Variants in SLIT3 observed in about 807,000 individuals in gnomAD.
SLIT3 encodes the protein slit guidance ligand 3, also known as slit homolog 3 protein.
Under a neutral mutation model 184.0 loss-of-function variants are expected in SLIT3, and 68 were observed. The ratio of observed to expected loss-of-function variants is 0.37; its 90% CI spans 0.30 to 0.45. The LOEUF (loss-of-function observed/expected upper bound fraction) is 0.45, where lower values mean the gene tolerates loss of function less well. Ranked by LOEUF, SLIT3 falls within the 20% of genes least tolerant of loss-of-function variation. The probability of loss-of-function intolerance (pLI) is 1.00; values close to 1 mark genes in which losing one functional copy is unlikely to be tolerated. For synonymous variants in SLIT3, 831 were observed against 828.6 expected, an observed-to-expected ratio of 1.00 and a Z score of -0.05; for missense variants, 1,707 against 2,026.0, an observed-to-expected ratio of 0.84 and a Z score of 3.02.
At chr5:169,029,727 A>G (rs1471721367) in intron 4 of SLIT3, among the ~76,000 whole-genome samples, 3 of 152,218 alleles carry the variant, frequency 2.0e-5, no homozygotes, top group Non-Finnish European at 4.4e-5. Flanking sequence ...CTCAGTTACA[A>G]TGACACATTC....
At chr5:168,722,450 C>T (rs1326235134) in intron 22 of SLIT3, 123 bp from the exon 23 acceptor site, 1 of 825,146 alleles carries the variant, frequency 1.2e-6, no homozygotes, top group African/African-American at 1.7e-5. Context: ...ATTGACAGAA[C>T]ATCCCCTAAA....
At position 169,300,634 on chromosome 5, in the gene SLIT3, G is replaced by T; in HGVS notation, c.76C>A (p.Leu26Met). ...LALALALASV[L>M]SGPPAVACPT... is the part of the protein sequence containing the mutation. ...CAGGCGACGGCTGGAGGCCCACTCAGGACGCTCGCCAGCGCCAAGGCCAGC... is the reference window on the plus strand; with the variant it reads ...CAGGCGACGGCTGGAGGCCCACTCATGACGCTCGCCAGCGCCAAGGCCAGC... Residue 26 changes from leucine (L) to methionine (M), a missense_variant, in exon 1 of 36, where the codon CTG (leucine) becomes ATG (methionine). Physicochemically the swap from Leu to Met is conservative, Grantham distance 15. Transcript: ENST00000519560. This position sits in a 1 kb window ranked among gnomAD's most constrained non-coding sequence, Gnocchi z 4.1. 6.7e-7 allele frequency: 1 copy of T among 1,491,714 alleles called. No homozygotes were observed. Among genetic ancestry groups the T allele is most frequent in the Non-Finnish European group, 8.9e-7 (1 of 1,126,006 alleles). 92.4% of individuals were successfully genotyped at this position (1,491,714 alleles called of 1,614,324 possible).
chr5:168,722,452 T>C, intron 22 of SLIT3, 125 bp from the exon 23 acceptor site: 1 of 800,400 alleles, frequency 1.2e-6, no homozygotes, highest in Non-Finnish European at 2.1e-6. Flanking sequence ...TGACAGAACA[T>C]CCCCTAAAGG....
At chr5:168,884,581 T>TATATATATATATA (rs1760116903) in intron 4 of SLIT3, among the ~76,000 whole-genome samples, 10 of 131,590 alleles carry the variant, frequency 7.6e-5, no homozygotes, top group East Asian at 2.3e-4. Flanking sequence ...TATATATATA[T>TATATATATATATA]GAAATTCCAC....
rs555679679 is a variant in SLIT3 at position 168,931,092 on chromosome 5, G to T, written c.414-47756C>A. Among the ~76,000 whole-genome samples, 8 of 152,222 alleles carry T rather than the reference G, an allele frequency of 5.3e-5. No individual in the cohort carries two copies. The South Asian group carries it at 1.7e-3, about 32-fold the overall frequency. ...TCCTGGTCCCTGTCAGGGAAAACTC[G>T]GGGGACTCTCTCTAATTGTCTTATT... On this transcript the variant is annotated intron_variant, in intron 4 of 35. Coordinates refer to ENST00000519560, the MANE Select transcript of SLIT3 (RefSeq NM_003062.4).
Position 168,666,694 on chromosome 5 carries a change from A to T in SLIT3, c.4337-5T>A. The T allele has an allele frequency of 6.2e-7, 1 of 1,614,096 alleles. No individual in the cohort carries two copies. Among genetic ancestry groups the T allele is most frequent in the Non-Finnish European group, 8.5e-7 (1 of 1,180,026 alleles). On this transcript the variant is annotated splice_region_variant and splice_polypyrimidine_tract_variant and intron_variant, in intron 35 of 35. Transcript: ENST00000519560. The stretch of plus-strand genomic sequence containing the variant: ...CTTGTCCCAGGCACGGATTCTCTGC[A>T]GAGGGCATAGAAGTCAGGGCATTGG...
intron 14 of SLIT3, among the ~76,000 whole-genome samples, chr5:168,766,633 C>T (rs1158420690): frequency 2.6e-5 from 4 of 152,218 alleles, no homozygotes; most frequent in Admixed American, 6.5e-5. Context: ...CCTGTGGCTG[C>T]GGGGCCAGTA....
In SLIT3 at chr5:168,954,250, G is replaced by A. The variant is rs757963665; in HGVS notation, c.414-70914C>T. 1.1e-4 allele frequency among the ~76,000 whole-genome samples: 17 copies of A among 152,050 alleles called. 1 individual carries two copies. Among genetic ancestry groups the A allele is most frequent in the Non-Finnish European group, 2.1e-4 (14 of 68,024 alleles). Reference sequence around the variant, plus strand: ...GGGAATAATTACCCCAAATGATATCGGGCTGGAGGAGGGGAGCACAGATAA... The same window carrying A: ...GGGAATAATTACCCCAAATGATATCAGGCTGGAGGAGGGGAGCACAGATAA... On this transcript the variant is annotated intron_variant, in intron 4 of 35. Coordinates refer to ENST00000519560, the MANE Select transcript of SLIT3 (RefSeq NM_003062.4).
intron 4 of SLIT3, among the ~76,000 whole-genome samples, chr5:169,168,392 G>C (rs7701204): frequency 0.79 from 119,861 of 152,176 alleles, 47,438 homozygotes; most frequent in East Asian, 0.89. Context: ...TGGGGCTGCT[G>C]CACAATCTGG....
In SLIT3 at chr5:169,264,823, G is replaced by A. The variant is rs544635722; in HGVS notation, c.198-13364C>T. ...CACATGCAAGTTTAAAAACATACACGCATTTGGGAAAGAAATGAGCTGAAT... is the reference window on the plus strand; with the variant it reads ...CACATGCAAGTTTAAAAACATACACACATTTGGGAAAGAAATGAGCTGAAT... On this transcript the variant is annotated intron_variant, in intron 1 of 35. Transcript: ENST00000519560. Among the ~76,000 whole-genome samples, 61 of 152,250 alleles carry A rather than the reference G, an allele frequency of 4.0e-4. No homozygotes were observed. The Middle Eastern group carries it at 0.01, about 25-fold the overall frequency.
chr5:169,016,388 C>CA (rs1372629876), intron 4 of SLIT3, among the ~76,000 whole-genome samples: 1 of 152,144 alleles, frequency 6.6e-6, no homozygotes, highest in Non-Finnish European at 1.5e-5. Flanking sequence ...AAATGACCAG[C>CA]AACTAAGGTA....
intron 14 of SLIT3, among the ~76,000 whole-genome samples, chr5:168,765,114 A>T (rs1266463217): frequency 6.6e-6 from 1 of 152,196 alleles, no homozygotes; most frequent in Non-Finnish European, 1.5e-5. Flanking sequence ...AGGCAGAAAG[A>T]CAGGAGGAAG....
At chr5:168,753,584 T>C (rs1549910) in intron 17 of SLIT3, among the ~76,000 whole-genome samples, 54,983 of 152,154 alleles carry the variant, frequency 0.36, 10,150 homozygotes, top group South Asian at 0.49. Context: ...TCAGCAAGTT[T>C]CTGGTATAAA....
chr5:169,171,480 T>G (rs1325615571), intron 4 of SLIT3, among the ~76,000 whole-genome samples: 1 of 152,202 alleles, frequency 6.6e-6, no homozygotes, highest in African/African-American at 2.4e-5. Flanking sequence ...CTTGTGTGTT[T>G]TTCACAAATA....
chr5:168,778,977 C>A (rs1451386107), intron 12 of SLIT3, among the ~76,000 whole-genome samples: 2 of 152,188 alleles, frequency 1.3e-5, no homozygotes, highest in African/African-American at 2.4e-5. Context: ...CCTCGGAGAT[C>A]ATATAAATGA....
At chr5:169,252,909 T>A (rs972024268) in intron 1 of SLIT3, among the ~76,000 whole-genome samples, 5 of 152,170 alleles carry the variant, frequency 3.3e-5, no homozygotes, top group African/African-American at 1.2e-4. Flanking sequence ...GTATCAGACA[T>A]AATACTGAAA....
At chr5:169,163,965 G>GGCAGAGT (rs1762556414) in intron 4 of SLIT3, among the ~76,000 whole-genome samples, 1 of 152,150 alleles carries the variant, frequency 6.6e-6, no homozygotes, top group Non-Finnish European at 1.5e-5. Context: ...TGGGGCAGAG[G>GGCAGAGT]GCAGAGTGCA....
At chr5:169,103,010 G>A (rs1006357930) in intron 4 of SLIT3, among the ~76,000 whole-genome samples, 2 of 152,106 alleles carry the variant, frequency 1.3e-5, no homozygotes, top group Non-Finnish European at 2.9e-5. Context: ...GATAATAAAA[G>A]TTATAATACT....
At chr5:168,936,554 G>A (rs1040145278) in intron 4 of SLIT3, among the ~76,000 whole-genome samples, 5 of 152,088 alleles carry the variant, frequency 3.3e-5, no homozygotes, top group Admixed American at 6.5e-5. Flanking sequence ...TAGAGCAAGC[G>A]GCCAGTGAGA....
Sources: gnomAD v4.1 joint callset for allele counts (sites outside exome capture counted in the v4.1 genomes callset) on GRCh38, gnomAD v4.1.1 for gene constraint, Gnocchi (gnomAD v3.1) non-coding constraint, MANE v1.5 for transcripts, NCBI Gene and HGNC (gene_info 2026-07-23, HGNC 2026-07-21) for gene names.